Variants in COL4A3 observed in about 807,000 individuals in gnomAD.
COL4A3 encodes collagen type IV alpha 3 chain, also known as collagen alpha-3(IV) chain.
COL4A3 carries 135 observed loss-of-function variants against 217.4 expected under a neutral mutation model. That is an observed-to-expected ratio of 0.62 (90% CI 0.54 to 0.72). The LOEUF is 0.72. COL4A3 is among the 30% of genes least tolerant of loss of function. COL4A3 has a pLI of 0.00. For synonymous variants in COL4A3, 690 were observed against 736.3 expected, an observed-to-expected ratio of 0.94 and a Z score of 1.02; for missense variants, 1,868 against 2,119.9, an observed-to-expected ratio of 0.88 and a Z score of 2.33.
At position 227,284,300 on chromosome 2, in the gene COL4A3, G is replaced by A. The variant is rs1481663157; in HGVS notation, c.2836G>A (p.Glu946Lys). The stretch of plus-strand genomic sequence containing the variant: ...AGATAAAGGAAATCCCGGGCCTTCA[G>A]AGATATCCCACGTAATAGGGGACAA... ...QGDKGNPGPS[E>K]ISHVIGDKGE... The change falls in exon 34 of 52, where the codon GAG becomes AAG. Residue 946 changes from glutamate to lysine, a missense_variant. This residue lies in a region of COL4A3 where 1,503 missense variants were observed against 1,786.1 expected (regional missense o/e 0.84). Transcript: ENST00000396578. 6.2e-7 allele frequency: 1 copy of A among 1,614,108 alleles called. No homozygotes were observed. The highest frequency in any genetic ancestry group is 1.1e-5 in the South Asian group (1 of 91,052).
In COL4A3 at chr2:227,185,094, G is replaced by GT. The variant is rs1220227088; in HGVS notation, c.87+20284dup. Among the ~76,000 whole-genome samples, 66 of 151,986 alleles carry GT rather than the reference G, an allele frequency of 4.3e-4. No individual in the cohort carries two copies. In the Middle Eastern group the frequency reaches 0.017, roughly 39 times the overall value. On this transcript the variant is annotated intron_variant, in intron 1 of 51. Transcript: ENST00000396578. ...TTTTTGTATTTTTAGTGGAGACGGG[G>GT]TTTCACCGTGTTAGCCAGGATGGTC... is the stretch of plus-strand genomic sequence containing the variant.
intron 27 of COL4A3, among the ~76,000 whole-genome samples, chr2:227,277,029 T>C (rs947848178): frequency 6.6e-6 from 1 of 152,066 alleles, no homozygotes; most frequent in Non-Finnish European, 1.5e-5. Context: ...GTGTTAAAAA[T>C]TTTTTCTTGG....
At position 227,290,865 on chromosome 2, in the gene COL4A3, GCCAGGA is replaced by G. The variant is rs2072653661; in HGVS notation, c.3193_3198del (p.Gly1065_Pro1066del). On this transcript the variant is annotated inframe_deletion, in exon 37 of 52. Transcript: ENST00000396578. Reference sequence around the variant, plus strand: ...AGCCAGGTTATTCAGAAGGTACAAGGCCAGGACCACCGGGACCAACGGTATATAGGC... The same window carrying G: ...AGCCAGGTTATTCAGAAGGTACAAGGCCACCGGGACCAACGGTATATAGGC... 6.2e-7 allele frequency: 1 copy of G among 1,612,858 alleles called. No homozygotes were observed.
At chr2:227,242,520 C>T (rs1482020574) in intron 3 of COL4A3, among the ~76,000 whole-genome samples, 1 of 152,164 alleles carries the variant, frequency 6.6e-6, no homozygotes, top group Non-Finnish European at 1.5e-5. Flanking sequence ...CTGAAGGGTG[C>T]AGCTGGAGCT....
chr2:227,291,814 T>C (rs1020728887), intron 37 of COL4A3, among the ~76,000 whole-genome samples: 9 of 152,224 alleles, frequency 5.9e-5, no homozygotes, highest in Non-Finnish European at 1.3e-4. Context: ...CCCTTACTAC[T>C]GTATTATACA....
intron 21 of COL4A3, chr2:227,264,590 C>G (rs1489150689): frequency 6.5e-6 from 1 of 154,430 alleles, no homozygotes; most frequent in African/African-American, 2.4e-5. Flanking sequence ...CTCTAGAGAG[C>G]CACTTAGCAT....
Position 227,311,972 on chromosome 2 carries a change from C to T in COL4A3, c.*102C>T, listed in dbSNP as rs542676292. Reference sequence around the variant, plus strand: ...ATTTTTCTTTAACCAAACAATATTGCTCCATGATGACTTAGTACAAAGTTT... The same window carrying T: ...ATTTTTCTTTAACCAAACAATATTGTTCCATGATGACTTAGTACAAAGTTT... On this transcript the variant is annotated 3_prime_UTR_variant, in exon 52 of 52. Coordinates refer to ENST00000396578, the MANE Select transcript of COL4A3 (RefSeq NM_000091.5). The T allele has an allele frequency of 2.1e-4, 320 of 1,541,496 alleles. No homozygotes were observed. Among genetic ancestry groups the T allele is most frequent in the Non-Finnish European group, 2.8e-4 (314 of 1,137,784 alleles).
intron 30 of COL4A3, 78 bp downstream of exon 30, chr2:227,280,668 A>G (rs947053434): frequency 6.7e-7 from 1 of 1,493,590 alleles, no homozygotes. Context: ...AAGGTGTTCT[A>G]GGCATGAAGA....
At chr2:227,248,186 C>T (rs1402249237) in intron 8 of COL4A3, 5 of 397,658 alleles carry the variant, frequency 1.3e-5, no homozygotes, top group East Asian at 6.1e-5. Context: ...GTGATCTGCC[C>T]GTTTTGATCT....
intron 1 of COL4A3, among the ~76,000 whole-genome samples, chr2:227,199,725 A>T (rs1022335054): frequency 3.3e-5 from 5 of 152,230 alleles, no homozygotes; most frequent in African/African-American, 1.2e-4. Flanking sequence ...CTGTGGCCCC[A>T]GCCCCAATTC....
chr2:227,307,337 C>G (rs1197112731), intron 47 of COL4A3, among the ~76,000 whole-genome samples: 1 of 152,170 alleles, frequency 6.6e-6, no homozygotes, highest in Admixed American at 6.5e-5. Flanking sequence ...CTCGAATAGA[C>G]TAAGTTGTAG....
chr2:227,307,626 TAAAA>T, intron 47 of COL4A3, 80 bp from the exon 48 acceptor site: 1 of 1,120,796 alleles, frequency 8.9e-7, no homozygotes, highest in Non-Finnish European at 1.3e-6. Flanking sequence ...TCAACATATA[TAAAA>T]TATATTTAAA....
At chr2:227,197,621 T>C (rs932766340) in intron 1 of COL4A3, among the ~76,000 whole-genome samples, 2 of 152,162 alleles carry the variant, frequency 1.3e-5, no homozygotes, top group Non-Finnish European at 2.9e-5. Flanking sequence ...CATGTTTATG[T>C]CAAAAGAGAA....
intron 37 of COL4A3, chr2:227,291,183 G>A (rs1400341151): frequency 7.7e-6 from 3 of 387,444 alleles, no homozygotes; most frequent in Non-Finnish European, 9.7e-6. Flanking sequence ...AGATAGGACA[G>A]TGGGTTTTTT....
chr2:227,193,752 GGAAGGAAGGAAGGAAGGAAGGAA>G (rs2066338028), intron 1 of COL4A3, among the ~76,000 whole-genome samples: 1 of 19,026 alleles, frequency 5.3e-5, no homozygotes, highest in Non-Finnish European at 1.1e-4. Flanking sequence ...AGGGAGGGAA[GGAAGGAAGGAAGGAAGGAAGGAA>G]GGAAGGAAGG....
chr2:227,179,209 C>T (rs1299231343), intron 1 of COL4A3, among the ~76,000 whole-genome samples: 4 of 152,176 alleles, frequency 2.6e-5, no homozygotes, highest in Non-Finnish European at 5.9e-5. Flanking sequence ...CCTCAGCCTC[C>T]CAAAGTGCTG....
chr2:227,164,717 C>A lies in COL4A3; in HGVS notation c.-10C>A, dbSNP rs781380101. The A allele has an allele frequency of 1.3e-6, 2 of 1,530,478 alleles. No individual in the cohort carries two copies. Among genetic ancestry groups the A allele is most frequent in the African/African-American group, 1.4e-5 (1 of 72,420 alleles). The allele number at this position is 1,530,478 out of a possible 1,614,324, so 94.8% of individuals were successfully genotyped here. The stretch of plus-strand genomic sequence containing the variant: ...CCCGGACTCGCCCAGGCTCTGAGCG[C>A]GCGCCCACCATGAGCGCCCGGACCG... On this transcript the variant is annotated 5_prime_UTR_variant, in exon 1 of 52. Coordinates refer to ENST00000396578, the MANE Select transcript of COL4A3 (RefSeq NM_000091.5). This position sits in a 1 kb window ranked among gnomAD's most constrained non-coding sequence, Gnocchi z 4.8.
At chr2:227,285,246 T>C (rs758765348) in intron 34 of COL4A3, among the ~76,000 whole-genome samples, 49 of 122,136 alleles carry the variant, frequency 4.0e-4, no homozygotes, top group Admixed American at 6.4e-4. Context: ...CACATGAGGA[T>C]GTAACAAACC....
rs202147112 is a variant in COL4A3, at chr2:227,245,972, G to A, written c.343G>A (p.Gly115Arg). The A allele has an allele frequency of 1.2e-5, 19 of 1,613,654 alleles. No individual in the cohort carries two copies. In the Admixed American group the frequency reaches 1.5e-4, roughly 13 times the overall value. ...PGLPGTPGNT[G>R]PYGLVGVPGC... ...CTTCCAGGGCACCCCAGGCAATACC[G>A]GGCCTTACGGACTTGTCGGTGTACC... Residue 115 changes from glycine (G) to arginine (R), a missense_variant, in exon 6 of 52, where the codon GGG becomes AGG. Around this residue, in one of 2 missense-constraint regions of COL4A3, gnomAD observed 365 missense variants for 333.8 expected, o/e 1.09. Transcript: ENST00000396578.
Sources: allele counts gnomAD v4.1 joint callset (sites outside exome capture counted in the v4.1 genomes callset), GRCh38; gene constraint gnomAD v4.1.1; regional missense constraint gnomAD v4.1.1; non-coding constraint Gnocchi (gnomAD v3.1); transcripts MANE v1.5; gene names NCBI Gene and HGNC (gene_info 2026-07-23, HGNC 2026-07-21).